ARCN1: variants seen among roughly 807,000 people sequenced by gnomAD.
ARCN1 encodes coatomer subunit delta.
ARCN1 carries 5 observed loss-of-function variants against 60.4 expected under a neutral mutation model. The observed-to-expected ratio is 0.08, with a 90% CI of 0.04 to 0.17. The LOEUF (loss-of-function observed/expected upper bound fraction) is 0.17. Among genes scored for constraint, ARCN1 ranks in the 10% least tolerant of loss-of-function variants. ARCN1 has a pLI of 1.00. For synonymous variants in ARCN1, 224 were observed against 220.0 expected, an observed-to-expected ratio of 1.02 and a Z score of -0.16; for missense variants, 464 against 626.5, an observed-to-expected ratio of 0.74 and a Z score of 2.77.
chr11:118,596,828 T>A (rs986543408), intron 8 of ARCN1, among the ~76,000 whole-genome samples: 3 of 152,226 alleles, frequency 2.0e-5, no homozygotes, highest in Non-Finnish European at 4.4e-5. Flanking sequence ...CTTTCACTTA[T>A]CAAATAAAAG....
rs1339046785 is a variant in ARCN1, at chr11:118,583,904, A to C, written c.543A>C (p.Pro181=). 1.2e-6 allele frequency: 2 copies of C among 1,614,148 alleles called. No individual in the cohort carries two copies. Among genetic ancestry groups the C allele is most frequent in the Non-Finnish European group, 1.7e-6 (2 of 1,180,056 alleles). ...CAGAGAGACAGGGCAAAAAAGCACC[A>C]GGATTTGGCGGATTTGGCAGCTCTG... ...RDAERQGKKA[P]GFGGFGSSAV... The change falls in exon 4 of 10, where the codon CCA becomes CCC. Residue 181 remains proline (P), a synonymous_variant. Transcript: ENST00000264028.
intron 9 of ARCN1, among the ~76,000 whole-genome samples, chr11:118,599,658 G>A (rs1555077820): frequency 2.0e-5 from 3 of 152,036 alleles, no homozygotes; most frequent in African/African-American, 7.2e-5. Flanking sequence ...TCTAACTCCT[G>A]ACCTCAGATG....
chr11:118,586,478 G>T (rs1355680883), intron 5 of ARCN1, among the ~76,000 whole-genome samples: 1 of 152,054 alleles, frequency 6.6e-6, no homozygotes, highest in African/African-American at 2.4e-5. Flanking sequence ...CACTAAAGCC[G>T]CTGTGCTCTT....
rs1555074937 is a variant in ARCN1 at position 118,583,293 on chromosome 11, G to A, written c.382G>A (p.Ala128Thr). The A allele has an allele frequency of 6.2e-7, 1 of 1,614,178 alleles. No homozygotes were observed. The highest frequency in any genetic ancestry group is 8.5e-7 in the Non-Finnish European group (1 of 1,180,026). Residue 128 changes from alanine (A) to threonine (T), a missense_variant, in exon 3 of 10, where the codon GCA (alanine) becomes ACA (threonine). Ala to Thr is a moderately conservative substitution (Grantham distance 58). This residue lies in a region of ARCN1 where 105 missense variants were observed against 186.3 expected (regional missense o/e 0.56). Transcript: ENST00000264028. ...ALGYRENVNL[A>T]QIRTFTEMDS... Reference sequence around the variant, plus strand: ...GGGATACCGGGAGAATGTTAACTTGGCACAGATCAGAACCTTCACAGAAAT... The same window carrying A: ...GGGATACCGGGAGAATGTTAACTTGACACAGATCAGAACCTTCACAGAAAT...
chr11:118,572,570 C>T lies in ARCN1; in HGVS notation c.3+20C>T, dbSNP rs1555072636. On this transcript the variant is annotated intron_variant, in intron 1 of 9. Transcript: ENST00000264028. The stretch of plus-strand genomic sequence containing the variant: ...ACCATGGTAAGATCCGAGCCAGGAC[C>T]CGAACTCCTGGGGTCCGAGCCTCAC... The T allele has an allele frequency of 6.2e-7, 1 of 1,606,160 alleles. No individual in the cohort carries two copies.
chr11:118,574,854 A>T (rs79024858), intron 1 of ARCN1, among the ~76,000 whole-genome samples: 1,768 of 152,074 alleles, frequency 0.012, 37 homozygotes, highest in African/African-American at 0.041. Flanking sequence ...GCGGCCTAGA[A>T]CTCCTAGCCT....
Position 118,601,262 on chromosome 11 carries a change from G to A in ARCN1, c.*548G>A, listed in dbSNP as rs371948773. The A allele has an allele frequency of 3.1e-3, 1,038 of 337,454 alleles. 10 individuals are homozygous for A. The highest frequency in any genetic ancestry group is 0.02 in the African/African-American group (905 of 44,936). 20.9% of individuals were successfully genotyped at this position (337,454 alleles called of 1,614,324 possible). ...ATTTTAGTAGAGACGGGGTTTCACC[G>A]TGTTGCCCAGGCTGGTCGCGAACTC... is the stretch of plus-strand genomic sequence containing the variant. On this transcript the variant is annotated 3_prime_UTR_variant, in exon 10 of 10. Coordinates refer to ENST00000264028, the MANE Select transcript of ARCN1 (RefSeq NM_001655.5).
intron 7 of ARCN1, 110 bp downstream of exon 7, chr11:118,592,966 A>G: frequency 8.5e-7 from 1 of 1,183,162 alleles, no homozygotes; most frequent in Non-Finnish European, 1.2e-6. Flanking sequence ...TTCTGACAAA[A>G]TGACTTTCTT....
intron 2 of ARCN1, among the ~76,000 whole-genome samples, chr11:118,581,937 G>GACAGACAGACAGACAGACAC (rs1555074708): frequency 7.1e-6 from 1 of 140,704 alleles, no homozygotes; most frequent in African/African-American, 2.6e-5. Flanking sequence ...CAGACAGACA[G>GACAGACAGACAGACAGACAC]ACACACACAC....
chr11:118,598,604 C>T (rs2135557470), intron 9 of ARCN1, among the ~76,000 whole-genome samples: 1 of 149,012 alleles, frequency 6.7e-6, no homozygotes, highest in East Asian at 2.0e-4. Context: ...AAACAATTCT[C>T]TTGCCTCAGC....
At position 118,583,929 on chromosome 11, in the gene ARCN1, G is replaced by A; in HGVS notation, c.568G>A (p.Ala190Thr). The A allele has an allele frequency of 1.2e-6, 2 of 1,614,248 alleles. No homozygotes were observed. The highest frequency in any genetic ancestry group is 1.7e-6 in the Non-Finnish European group (2 of 1,180,048). Residue 190 changes from alanine to threonine, a missense_variant, in exon 4 of 10, where the codon GCA becomes ACA. This residue lies in a region of ARCN1 where 359 missense variants were observed against 440.2 expected (regional missense o/e 0.82). Transcript: ENST00000264028. ...APGFGGFGSS[A>T]VSGGSTAAMI... ...AGGATTTGGCGGATTTGGCAGCTCT[G>A]CAGTATCTGGAGGCAGCACAGCTGC... is the stretch of plus-strand genomic sequence containing the variant.
At chr11:118,587,712 C>T (rs1938809603) in intron 5 of ARCN1, among the ~76,000 whole-genome samples, 1 of 152,186 alleles carries the variant, frequency 6.6e-6, no homozygotes, top group African/African-American at 2.4e-5. Context: ...TGCTATCTAC[C>T]TGGGAATAGC....
At position 118,597,850 on chromosome 11, in the gene ARCN1, C is replaced by A; in HGVS notation, c.1385C>A (p.Pro462His). The change falls in exon 9 of 10, where the codon CCC becomes CAC. Residue 462 changes from proline to histidine, a missense_variant. Pro to His is a moderately conservative substitution (Grantham distance 77). Coordinates refer to ENST00000264028, the MANE Select transcript of ARCN1 (RefSeq NM_001655.5). ...CTGGAGTTTAGCATTGCTGGGCAGC[C>A]CAATGACTTCTTCCCTGTTCAAGTT... ...GSLEFSIAGQ[P>H]NDFFPVQVSF... 1 of 1,614,088 alleles carries A rather than the reference C, an allele frequency of 6.2e-7. No homozygotes were observed. The highest frequency in any genetic ancestry group is 8.5e-7 in the Non-Finnish European group (1 of 1,180,028).
rs782687261 is a variant in ARCN1, at chr11:118,590,290, C to T, written c.819-51C>T. 2.6e-5 allele frequency: 39 copies of T among 1,529,326 alleles called. No individual in the cohort carries two copies. The South Asian group carries it at 2.8e-4, about 11-fold the overall frequency. 94.7% of individuals were successfully genotyped at this position (1,529,326 alleles called of 1,614,324 possible). A position where few individuals can be genotyped will look rare whatever the true frequency, so the allele number is the denominator to read the frequency against. The stretch of plus-strand genomic sequence containing the variant: ...GGTTATAGGCATGAGCCACCACGCC[C>T]GGCCATTGGTTTCTACCTTTCTGAA... On this transcript the variant is annotated intron_variant, in intron 5 of 9. Coordinates refer to ENST00000264028, the MANE Select transcript of ARCN1 (RefSeq NM_001655.5).
At position 118,583,239 on chromosome 11, in the gene ARCN1, A is replaced by C. The variant is rs1555074928; in HGVS notation, c.328A>C (p.Ile110Leu). Residue 110 changes from isoleucine to leucine, a missense_variant, in exon 3 of 10, where the codon ATT (isoleucine) becomes CTT (leucine). By Grantham distance (5) the Ile-to-Leu change is conservative (BLOSUM62 2). Around this residue, in one of 2 missense-constraint regions of ARCN1, gnomAD observed 105 missense variants for 186.3 expected, o/e 0.56. Coordinates refer to ENST00000264028, the MANE Select transcript of ARCN1 (RefSeq NM_001655.5). ...AATATCTGAGCACTGTTTTGATTTG[A>C]TTTTTGCTTTTGATGAAATTGTCGC... ...NEISEHCFDL[I>L]FAFDEIVALG... is the part of the protein sequence containing the mutation. 2 of 1,613,974 alleles carry C rather than the reference A, an allele frequency of 1.2e-6. No homozygotes were observed. The highest frequency in any genetic ancestry group is 1.7e-6 in the Non-Finnish European group (2 of 1,180,002).
chr11:118,597,652 G>C, intron 8 of ARCN1, 55 bp from the exon 9 acceptor site: 1 of 1,585,314 alleles, frequency 6.3e-7, no homozygotes, highest in South Asian at 1.1e-5. Flanking sequence ...TTGGTTTTCC[G>C]TGGTGGAGTT....
chr11:118,585,319 T>C (rs1938754781), intron 5 of ARCN1, among the ~76,000 whole-genome samples: 1 of 152,124 alleles, frequency 6.6e-6, no homozygotes, highest in Admixed American at 6.6e-5. Flanking sequence ...TTCTATGAAG[T>C]TTAGAACTTT....
At chr11:118,575,494 C>T (rs1938474022) in intron 1 of ARCN1, among the ~76,000 whole-genome samples, 1 of 151,920 alleles carries the variant, frequency 6.6e-6, no homozygotes, top group Non-Finnish European at 1.5e-5. Context: ...TTAAAACCCT[C>T]ACTGAGTAAA....
chr11:118,590,184 G>A (rs1591388234), intron 5 of ARCN1, among the ~76,000 whole-genome samples, 157 bp from the exon 6 acceptor site: 3 of 151,944 alleles, frequency 2.0e-5, no homozygotes, highest in East Asian at 1.9e-4. Flanking sequence ...TAGTAGAGAC[G>A]GGGTTTCTCC....
Sources: allele counts gnomAD v4.1 joint callset (sites outside exome capture counted in the v4.1 genomes callset), GRCh38; gene constraint gnomAD v4.1.1; regional missense constraint gnomAD v4.1.1; transcripts MANE v1.5; gene names NCBI Gene and HGNC (gene_info 2026-07-23, HGNC 2026-07-21).